DOCK1: variants seen among roughly 807,000 people sequenced by gnomAD.
DOCK1 encodes the protein dedicator of cytokinesis 1.
Under a neutral mutation model 262.7 loss-of-function variants are expected in DOCK1, and 138 were observed. That is an observed-to-expected ratio of 0.53 (90% confidence interval 0.46 to 0.61). DOCK1 has a LOEUF of 0.61. DOCK1 is among the 20% of genes least tolerant of loss of function. DOCK1 has a pLI of 0.00. For missense variants in DOCK1, 1,908 were observed against 2,370.7 expected, an observed-to-expected ratio of 0.80 and a Z score of 4.05; for synonymous variants, 866 against 867.4, an observed-to-expected ratio of 1.00 and a Z score of 0.03.
chr10:127,049,991 T>TTTTA (rs869167803), intron 21 of DOCK1, among the ~76,000 whole-genome samples: 1 of 138,430 alleles, frequency 7.2e-6, no homozygotes, highest in African/African-American at 2.7e-5. Flanking sequence ...TTTTTTTTTT[T>TTTTA]ACTATAGTGA....
intron 27 of DOCK1, among the ~76,000 whole-genome samples, chr10:127,196,596 C>T (rs1360420847): frequency 1.4e-5 from 2 of 145,914 alleles, no homozygotes; most frequent in East Asian, 2.0e-4. Flanking sequence ...AGCCCCGGGC[C>T]CCGCGGGGCG....
rs544141165 is a variant in DOCK1, at chr10:127,346,465, G to A, written c.3224+2719G>A. ...ACAAAAATTAGCCAGGTGTGGTGGC[G>A]CGCACCTGTGGTGCCAGCTACTCAG... On this transcript the variant is annotated intron_variant, in intron 31 of 51. Transcript: ENST00000623213. 1.6e-4 allele frequency among the ~76,000 whole-genome samples: 24 copies of A among 152,204 alleles called. No homozygotes were observed. In the South Asian group the frequency reaches 1.9e-3, roughly 12 times the overall value.
Position 127,012,565 on chromosome 10 carries a change from C to G in DOCK1, c.1201+191C>G, listed in dbSNP as rs2041542980. On this transcript the variant is annotated intron_variant, in intron 12 of 51. Coordinates refer to ENST00000623213, the MANE Select transcript of DOCK1 (RefSeq NM_001290223.2). This position sits in a 1 kb window ranked among gnomAD's most constrained non-coding sequence, Gnocchi z 4.0. Reference sequence around the variant, plus strand: ...GCATGATGGTTTTCTTGCCCGTCACCTTTGTGAACATTGCTGAGAGCCCAC... The same window carrying G: ...GCATGATGGTTTTCTTGCCCGTCACGTTTGTGAACATTGCTGAGAGCCCAC... Among the ~76,000 whole-genome samples the G allele has an allele frequency of 6.6e-6, 1 of 152,042 alleles. No individual in the cohort carries two copies. Among genetic ancestry groups the G allele is most frequent in the Admixed American group, 6.6e-5 (1 of 15,258 alleles).
intron 29 of DOCK1, among the ~76,000 whole-genome samples, chr10:127,286,573 G>A (rs1249260287): frequency 6.6e-6 from 1 of 152,102 alleles, no homozygotes; most frequent in South Asian, 2.1e-4. Flanking sequence ...GTCAACCATA[G>A]CTAAGTTTCT....
At chr10:127,429,214 G>C (rs74502362) in intron 47 of DOCK1, among the ~76,000 whole-genome samples, 2 of 152,058 alleles carry the variant, frequency 1.3e-5, no homozygotes, top group Non-Finnish European at 2.9e-5. Context: ...CCCCGTCTAG[G>C]GGGTGGGAGG....
At chr10:127,116,946 C>T (rs1233552048) in intron 25 of DOCK1, among the ~76,000 whole-genome samples, 1 of 152,180 alleles carries the variant, frequency 6.6e-6, no homozygotes, top group Non-Finnish European at 1.5e-5. Context: ...ATCATTTTCT[C>T]TTCTGTTTCT....
intron 2 of DOCK1, among the ~76,000 whole-genome samples, chr10:126,976,202 G>A (rs1473014519): frequency 1.3e-5 from 2 of 152,142 alleles, no homozygotes; most frequent in Non-Finnish European, 2.9e-5. Flanking sequence ...CTGATACTGG[G>A]CCAGCTTATC....
chr10:127,107,603 C>T (rs1016503029), intron 24 of DOCK1, among the ~76,000 whole-genome samples: 2 of 152,182 alleles, frequency 1.3e-5, no homozygotes, highest in East Asian at 1.9e-4. Flanking sequence ...TCTCCAAGAG[C>T]GGGCCCCAAA....
At chr10:127,117,259 A>C (rs2049243770) in intron 25 of DOCK1, among the ~76,000 whole-genome samples, 1 of 152,198 alleles carries the variant, frequency 6.6e-6, no homozygotes, top group Admixed American at 6.5e-5. Flanking sequence ...AGAATTGGAA[A>C]AGAGTGATTA....
At chr10:127,111,723 C>G (rs1157462309) in intron 25 of DOCK1, among the ~76,000 whole-genome samples, 1 of 152,152 alleles carries the variant, frequency 6.6e-6, no homozygotes, top group African/African-American at 2.4e-5. Context: ...GTTACTGATG[C>G]TCCTAACCAT....
intron 23 of DOCK1, among the ~76,000 whole-genome samples, chr10:127,075,259 C>CATTG (rs1691256640): frequency 1.4e-5 from 2 of 139,166 alleles, no homozygotes; most frequent in South Asian, 2.3e-4. Flanking sequence ...GTTTTTCTTT[C>CATTG]ATTGATTGAT....
intron 12 of DOCK1, among the ~76,000 whole-genome samples, chr10:127,017,016 A>G (rs2041979576): frequency 1.6e-5 from 1 of 62,112 alleles, no homozygotes; most frequent in Non-Finnish European, 3.3e-5. Context: ...AAATAAACAC[A>G]GATATGCAGA....
At chr10:127,445,857 C>T (rs1565098242) in intron 50 of DOCK1, among the ~76,000 whole-genome samples, 1 of 152,236 alleles carries the variant, frequency 6.6e-6, no homozygotes, top group Admixed American at 6.5e-5. Flanking sequence ...CTGACACGTG[C>T]TACAGCACGG....
At chr10:127,231,059 A>T (rs1384600720) in intron 27 of DOCK1, among the ~76,000 whole-genome samples, 3 of 151,922 alleles carry the variant, frequency 2.0e-5, no homozygotes, top group African/African-American at 7.3e-5. Context: ...TTATTTTTTG[A>T]AGCATATTTT....
At chr10:127,268,811 A>G (rs2060465733) in intron 29 of DOCK1, among the ~76,000 whole-genome samples, 1 of 152,078 alleles carries the variant, frequency 6.6e-6, no homozygotes, top group African/African-American at 2.4e-5. Flanking sequence ...GCAAGATGGC[A>G]TTGGAATCAC....
chr10:127,020,233 T>C (rs997662708), intron 13 of DOCK1, among the ~76,000 whole-genome samples: 3 of 152,226 alleles, frequency 2.0e-5, no homozygotes, highest in Non-Finnish European at 4.4e-5. Flanking sequence ...ATTTGTATAC[T>C]TATTATTTGT....
At chr10:127,184,045 TGGA>T (rs1404897593) in intron 27 of DOCK1, among the ~76,000 whole-genome samples, 2 of 152,182 alleles carry the variant, frequency 1.3e-5, no homozygotes, top group African/African-American at 4.8e-5. Flanking sequence ...TCTGGTAATC[TGGA>T]GGAGGAGGAC....
chr10:127,365,970 T>G (rs546898174), intron 33 of DOCK1, among the ~76,000 whole-genome samples: 25 of 152,322 alleles, frequency 1.6e-4, no homozygotes, highest in African/African-American at 5.8e-4. Flanking sequence ...AGTAATATCA[T>G]GAAGTAATTG....
rs372917473 is a variant in DOCK1, at chr10:127,007,056, G to C, written c.986-1676G>C. ...CCAAGAGTGCTGGAAGCTGGGAAACGCTTCCCCCAGGCCAGGTGAGGGCCC... is the reference window on the plus strand; with the variant it reads ...CCAAGAGTGCTGGAAGCTGGGAAACCCTTCCCCCAGGCCAGGTGAGGGCCC... On this transcript the variant is annotated intron_variant, in intron 10 of 51. Coordinates refer to ENST00000623213, the MANE Select transcript of DOCK1 (RefSeq NM_001290223.2). Among the ~76,000 whole-genome samples the C allele has an allele frequency of 3.3e-5, 5 of 152,316 alleles. No individual in the cohort carries two copies. The East Asian group carries it at 9.7e-4, about 29-fold the overall frequency.
Sources: allele counts gnomAD v4.1 joint callset (sites outside exome capture counted in the v4.1 genomes callset), GRCh38; gene constraint gnomAD v4.1.1; non-coding constraint Gnocchi (gnomAD v3.1); transcripts MANE v1.5; gene names NCBI Gene and HGNC (gene_info 2026-07-23, HGNC 2026-07-21).